CD96: variants seen among roughly 807,000 people sequenced by gnomAD.
CD96 encodes T-cell surface protein tactile.
Under a neutral mutation model 71.3 loss-of-function variants are expected in CD96, and 70 were observed. That is an observed-to-expected ratio of 0.98 (90% CI 0.81 to 1.20). The LOEUF (loss-of-function observed/expected upper bound fraction) is 1.20. CD96 is among the 50% of genes most tolerant of loss of function. The pLI is 0.00. For synonymous variants in CD96, 248 were observed against 233.0 expected, an observed-to-expected ratio of 1.06 and a Z score of -0.59; for missense variants, 742 against 677.5, an observed-to-expected ratio of 1.10 and a Z score of -1.06.
At chr3:111,588,940 G>T (rs1258186708) in intron 5 of CD96, among the ~76,000 whole-genome samples, 34 of 145,836 alleles carry the variant, frequency 2.3e-4, no homozygotes, top group Non-Finnish European at 3.8e-4. Flanking sequence ...AGGTGTTTTT[G>T]TTTCTTTTTT....
chr3:111,614,386 T>G (rs187818336), intron 8 of CD96, among the ~76,000 whole-genome samples: 1 of 152,242 alleles, frequency 6.6e-6, no homozygotes, highest in African/African-American at 2.4e-5. Flanking sequence ...ATAGGCTGGA[T>G]GTAATCTGAC....
Position 111,542,227 on chromosome 3 carries a change from G to A in CD96, c.-22G>A, listed in dbSNP as rs757253205. 3 of 1,603,916 alleles carry A rather than the reference G, an allele frequency of 1.9e-6. No homozygotes were observed. Among genetic ancestry groups the A allele is most frequent in the South Asian group, 2.2e-5 (2 of 90,874 alleles). Reference sequence around the variant, plus strand: ...ACTTTGTGATCATTACAGAAATGCTGGTGTAAGGTGTTCAGAAGACAATGG... The same window carrying A: ...ACTTTGTGATCATTACAGAAATGCTAGTGTAAGGTGTTCAGAAGACAATGG... On this transcript the variant is annotated 5_prime_UTR_variant, in exon 1 of 14. Coordinates refer to ENST00000352690, the MANE Select transcript of CD96 (RefSeq NM_005816.5).
At chr3:111,611,214 G>T (rs16858329) in intron 8 of CD96, among the ~76,000 whole-genome samples, 38,912 of 151,978 alleles carry the variant, frequency 0.26, 5,878 homozygotes, top group African/African-American at 0.43. Context: ...TAAAACACTA[G>T]GTCCAGTCTG....
intron 7 of CD96, among the ~76,000 whole-genome samples, chr3:111,601,530 T>TC (rs1196595668): frequency 4.6e-5 from 7 of 152,212 alleles, no homozygotes; most frequent in Admixed American, 2.6e-4. Context: ...CCAGATGGAA[T>TC]AATGGAGATT....
At chr3:111,550,364 A>C (rs1162513411) in intron 2 of CD96, among the ~76,000 whole-genome samples, 1 of 152,090 alleles carries the variant, frequency 6.6e-6, no homozygotes, top group Non-Finnish European at 1.5e-5. Flanking sequence ...TAATAGGAAG[A>C]GTAGATAGAG....
intron 12 of CD96, among the ~76,000 whole-genome samples, chr3:111,646,620 G>A (rs1037824976): frequency 2.8e-4 from 43 of 151,688 alleles, no homozygotes; most frequent in African/African-American, 8.9e-4. Flanking sequence ...CGGTGGGAAT[G>A]TAAATTAGTT....
At chr3:111,553,484 T>C (rs370304088) in intron 2 of CD96, among the ~76,000 whole-genome samples, 29 of 149,858 alleles carry the variant, frequency 1.9e-4, no homozygotes, top group African/African-American at 6.1e-4. Context: ...CATAGTTATA[T>C]GAGAGGCACA....
intron 3 of CD96, among the ~76,000 whole-genome samples, chr3:111,572,962 G>C (rs1936052480): frequency 6.6e-6 from 1 of 152,186 alleles, no homozygotes; most frequent in Non-Finnish European, 1.5e-5. Flanking sequence ...CGGGCATCAG[G>C]TGCAAATGGA....
At chr3:111,648,374 A>G (rs6777041) in intron 13 of CD96, among the ~76,000 whole-genome samples, 151,755 of 152,284 alleles carry the variant, frequency 1, 75,616 homozygotes, top group Middle Eastern at 1. Flanking sequence ...TGTGCCATAT[A>G]CTTTCCTACC....
chr3:111,567,564 G>C lies in CD96; in HGVS notation c.460G>C (p.Glu154Gln), dbSNP rs1274852667. 6.2e-7 allele frequency: 1 copy of C among 1,605,268 alleles called. No homozygotes were observed. The highest frequency in any genetic ancestry group is 1.3e-5 in the African/African-American group (1 of 74,806). ...GAACAGCAACCATACGATAGAAATA[G>C]AGATAAATCAGACTCTGGAAATACC... ...EWNSNHTIEI[E>Q]INQTLEIPCF... Residue 154 changes from glutamate (E) to glutamine (Q), a missense_variant, in exon 3 of 14, where the codon GAG becomes CAG. Coordinates refer to ENST00000352690, the MANE Select transcript of CD96 (RefSeq NM_005816.5).
intron 2 of CD96, among the ~76,000 whole-genome samples, chr3:111,565,604 G>T (rs1167169313): frequency 1.3e-5 from 2 of 151,892 alleles, no homozygotes; most frequent in Non-Finnish European, 2.9e-5. Flanking sequence ...ATGCAAATAT[G>T]GCAAAAAATG....
intron 2 of CD96, among the ~76,000 whole-genome samples, chr3:111,556,186 G>C (rs1358367006): frequency 6.6e-6 from 1 of 152,218 alleles, no homozygotes; most frequent in Non-Finnish European, 1.5e-5. Flanking sequence ...TTAATACTTT[G>C]AATAGACTAA....
At chr3:111,553,917 T>TTC (rs1342435253) in intron 2 of CD96, among the ~76,000 whole-genome samples, 1 of 152,010 alleles carries the variant, frequency 6.6e-6, no homozygotes, top group East Asian at 1.9e-4. Context: ...TCCCAGTTTG[T>TTC]CATTTATTCT....
intron 5 of CD96, chr3:111,593,079 G>A (rs912223471): frequency 6.5e-6 from 1 of 153,710 alleles, no homozygotes; most frequent in African/African-American, 2.4e-5. Flanking sequence ...CAGTACATGT[G>A]CTAAGACCTC....
At chr3:111,582,407 A>G (rs1006440671) in intron 4 of CD96, among the ~76,000 whole-genome samples, 1 of 152,198 alleles carries the variant, frequency 6.6e-6, no homozygotes, top group African/African-American at 2.4e-5. Context: ...AGATGAAGAA[A>G]TTGATAAAAT....
intron 2 of CD96, among the ~76,000 whole-genome samples, chr3:111,554,819 C>G (rs1226703966): frequency 6.6e-6 from 1 of 151,732 alleles, no homozygotes; most frequent in African/African-American, 2.4e-5. Context: ...AATAATTATA[C>G]AACTCACCAT....
intron 3 of CD96, chr3:111,570,650 C>A: frequency 6.2e-7 from 1 of 1,607,772 alleles, no homozygotes; most frequent in Non-Finnish European, 8.5e-7. Context: ...CGTACATGGC[C>A]CGGGACATGA....
chr3:111,623,063 C>T (rs1338347713), intron 8 of CD96, among the ~76,000 whole-genome samples: 1 of 152,190 alleles, frequency 6.6e-6, no homozygotes, highest in Non-Finnish European at 1.5e-5. Context: ...ATATAAACCA[C>T]CTTAAATACA....
intron 8 of CD96, among the ~76,000 whole-genome samples, chr3:111,616,790 A>T (rs187751516): frequency 6.6e-6 from 1 of 152,204 alleles, no homozygotes; most frequent in Admixed American, 6.5e-5. Flanking sequence ...GAGGCTGAGA[A>T]CAGGAGGGAG....
Sources: allele counts gnomAD v4.1 joint callset (sites outside exome capture counted in the v4.1 genomes callset), GRCh38; gene constraint gnomAD v4.1.1; transcripts MANE v1.5; gene names NCBI Gene and HGNC (gene_info 2026-07-23, HGNC 2026-07-21).